The following LRP6 variants were observed in gnomAD, a reference collection of about 807,000 sequenced individuals.
The protein encoded by LRP6 is low-density lipoprotein receptor-related protein 6.
A neutral mutation model predicts 184.1 loss-of-function variants in LRP6; 43 were observed. The ratio of observed to expected loss-of-function variants is 0.23; its 90% CI spans 0.18 to 0.30. The LOEUF (loss-of-function observed/expected upper bound fraction) is 0.30. Among genes scored for constraint, LRP6 ranks in the 10% least tolerant of loss-of-function variants. The pLI is 1.00. For missense variants in LRP6, 1,571 were observed against 2,005.3 expected (o/e 0.78, Z 4.14); for synonymous variants, 719 against 684.9 (o/e 1.05, Z -0.78).
chr12:12,227,636 T>C (rs902951032), intron 2 of LRP6, among the ~76,000 whole-genome samples: 1 of 152,114 alleles, frequency 6.6e-6, no homozygotes, highest in African/African-American at 2.4e-5. Flanking sequence ...CTCGAACTCC[T>C]GACCTCAGGT....
intron 12 of LRP6, among the ~76,000 whole-genome samples, chr12:12,153,325 T>C (rs1256306735): frequency 6.6e-6 from 1 of 152,070 alleles, no homozygotes; most frequent in Non-Finnish European, 1.5e-5. Context: ...CCCCTTCTGT[T>C]TAAAAGACTT....
chr12:12,163,085 C>T (rs1477861556), intron 9 of LRP6, among the ~76,000 whole-genome samples: 1 of 152,104 alleles, frequency 6.6e-6, no homozygotes, highest in East Asian at 1.9e-4. Flanking sequence ...AAGTGATTCT[C>T]GTGCCTCAGT....
chr12:12,227,652 A>G (rs1591966501), intron 2 of LRP6, among the ~76,000 whole-genome samples: 1 of 152,054 alleles, frequency 6.6e-6, no homozygotes, highest in South Asian at 2.1e-4. Flanking sequence ...CAGGTGAGCC[A>G]CCCGCCTTGG....
At chr12:12,215,214 A>G (rs1349280270) in intron 2 of LRP6, among the ~76,000 whole-genome samples, 1 of 152,156 alleles carries the variant, frequency 6.6e-6, no homozygotes, top group Non-Finnish European at 1.5e-5. Context: ...TAACATTTTT[A>G]CAAACACTTC....
At chr12:12,159,678 C>A in intron 11 of LRP6, 102 bp downstream of exon 11, 1 of 1,070,974 alleles carries the variant, frequency 9.3e-7, no homozygotes, top group South Asian at 1.3e-5. Flanking sequence ...TGGACACATT[C>A]ATATGAAGTT....
Position 12,146,926 on chromosome 12 carries a change from G to A in LRP6, c.3397+440C>T, listed in dbSNP as rs572044615. Among the ~76,000 whole-genome samples, 3 of 152,356 alleles carry A rather than the reference G, an allele frequency of 2.0e-5. No individual in the cohort carries two copies. In the South Asian group the frequency reaches 6.2e-4, roughly 32 times the overall value. On this transcript the variant is annotated intron_variant, in intron 15 of 22. Transcript: ENST00000261349. ...CCAGCACTTTGGGAGGCCGAGGCGG[G>A]TGGATCACAAGGTCAGGAGATCGAG... is the stretch of plus-strand genomic sequence containing the variant.
intron 1 of LRP6, among the ~76,000 whole-genome samples, chr12:12,251,121 C>T (rs1489273582): frequency 1.3e-5 from 2 of 151,174 alleles, no homozygotes; most frequent in Non-Finnish European, 2.9e-5. Context: ...TTAGTAGAGA[C>T]GTGGTTTTGC....
At position 12,148,964 on chromosome 12, in the gene LRP6, C is replaced by G; in HGVS notation, c.3184G>C (p.Val1062Leu). The G allele has an allele frequency of 6.2e-7, 1 of 1,613,258 alleles. No homozygotes were observed. The highest frequency in any genetic ancestry group is 8.5e-7 in the Non-Finnish European group (1 of 1,179,774). Residue 1062 changes from valine to leucine, a missense_variant, in exon 14 of 23, where the codon GTT (valine) becomes CTT (leucine). Coordinates refer to ENST00000261349, the MANE Select transcript of LRP6 (RefSeq NM_002336.3). ...TACCCTTTCTCTGGGTTTACCACAA[C>G]GGCTCGAGGTCTGTCCTGCTCGCCT... ...LKGEQDRPRAVVVNPEKGYMY... is the reference protein window; with the variant it reads ...LKGEQDRPRALVVNPEKGYMY...
At chr12:12,175,454 C>T (rs778862947) in intron 7 of LRP6, among the ~76,000 whole-genome samples, 4 of 151,064 alleles carry the variant, frequency 2.6e-5, no homozygotes, top group African/African-American at 4.9e-5. Context: ...CTTTGGGAAG[C>T]TGAGGCACGC....
Position 12,121,211 on chromosome 12 carries a change from C to A in LRP6, c.4757G>T (p.Ser1586Ile). The change falls in exon 23 of 23, where the codon AGC becomes ATC. Residue 1586 changes from serine (S) to isoleucine (I), a missense_variant. Physicochemically the swap from Ser to Ile is moderately radical, Grantham distance 142 (BLOSUM62 -2). Coordinates refer to ENST00000261349, the MANE Select transcript of LRP6 (RefSeq NM_002336.3). Reference sequence around the variant, plus strand: ...CTCTGTGTATGGAGAAGGTGGGCAGCTTTCATAGTTCTCCTCTGCTGACAA... The same window carrying A: ...CTCTGTGTATGGAGAAGGTGGGCAGATTTCATAGTTCTCCTCTGCTGACAA... ...QYLSAEENYE[S>I]CPPSPYTERS... is the part of the protein sequence containing the mutation. 1 of 1,614,070 alleles carries A rather than the reference C, an allele frequency of 6.2e-7. No individual in the cohort carries two copies. Among genetic ancestry groups the A allele is most frequent in the South Asian group, 1.1e-5 (1 of 91,072 alleles).
chr12:12,155,551 G>T, intron 12 of LRP6: 2 of 744,958 alleles, frequency 2.7e-6, no homozygotes, highest in African/African-American at 1.7e-5. Flanking sequence ...AGCACGTTAA[G>T]CACGCTAAGA....
intron 14 of LRP6, 127 bp downstream of exon 14, chr12:12,148,815 T>A: frequency 1.3e-6 from 1 of 787,324 alleles, no homozygotes. Context: ...AGAAACAAAC[T>A]GATAGAGAAT....
chr12:12,252,034 T>C (rs1056236624), intron 1 of LRP6, among the ~76,000 whole-genome samples: 1 of 152,072 alleles, frequency 6.6e-6, no homozygotes, highest in Non-Finnish European at 1.5e-5. Flanking sequence ...GCTAGAACTA[T>C]AGGCATGAAA....
chr12:12,185,557 T>C (rs1232738786), intron 4 of LRP6, among the ~76,000 whole-genome samples: 2 of 152,200 alleles, frequency 1.3e-5, no homozygotes. Flanking sequence ...CTCAGACAGA[T>C]GCCAGACATT....
intron 15 of LRP6, among the ~76,000 whole-genome samples, chr12:12,145,971 GTGT>G (rs1950001735): frequency 2.0e-5 from 3 of 151,964 alleles, no homozygotes; most frequent in Admixed American, 2.0e-4. Flanking sequence ...TACATACACT[GTGT>G]ATACACAGTG....
intron 3 of LRP6, among the ~76,000 whole-genome samples, chr12:12,190,236 T>C (rs1174374609): frequency 2.0e-5 from 3 of 152,166 alleles, no homozygotes; most frequent in Non-Finnish European, 4.4e-5. Context: ...GATTACCAAG[T>C]AAGCCTACCT....
chr12:12,147,211 A>T (rs146079851), intron 15 of LRP6, among the ~76,000 whole-genome samples, 155 bp downstream of exon 15: 110 of 152,350 alleles, frequency 7.2e-4, no homozygotes, highest in African/African-American at 2.5e-3. Context: ...TGACAGTTGA[A>T]GAAAAAGCTC....
intron 7 of LRP6, among the ~76,000 whole-genome samples, chr12:12,173,649 T>TA (rs1258043378): frequency 6.6e-6 from 1 of 152,124 alleles, no homozygotes; most frequent in East Asian, 1.9e-4. Flanking sequence ...AGCTAATTTT[T>TA]ATTTTCTGTA....
intron 12 of LRP6, among the ~76,000 whole-genome samples, chr12:12,158,309 CAAGGGTAA>C (rs1862649559): frequency 6.6e-6 from 1 of 151,972 alleles, no homozygotes; most frequent in Non-Finnish European, 1.5e-5. Flanking sequence ...ATTTAATGTC[CAAGGGTAA>C]AAGACTTAAT....
Sources: allele counts gnomAD v4.1 joint callset (sites outside exome capture counted in the v4.1 genomes callset), GRCh38; gene constraint gnomAD v4.1.1; transcripts MANE v1.5; gene names NCBI Gene and HGNC (gene_info 2026-07-23, HGNC 2026-07-21).